Variants in USP31 observed in about 807,000 individuals in gnomAD.
The protein encoded by USP31 is ubiquitin carboxyl-terminal hydrolase 31.
USP31 carries 44 observed loss-of-function variants against 119.4 expected under a neutral mutation model. The observed-to-expected ratio is 0.37, with a 90% CI of 0.29 to 0.47. USP31 has a LOEUF of 0.47. Among genes scored for constraint, USP31 ranks in the 20% least tolerant of loss-of-function variants. The probability of loss-of-function intolerance (pLI) is 0.99; values close to 1 mark genes in which losing one functional copy is unlikely to be tolerated. For missense variants in USP31, 1,643 were observed against 1,730.2 expected, an observed-to-expected ratio of 0.95 and a Z score of 0.89; for synonymous variants, 749 against 705.6, an observed-to-expected ratio of 1.06 and a Z score of -0.97.
At chr16:23,082,776 C>T (rs946361560) in intron 11 of USP31, among the ~76,000 whole-genome samples, 7 of 151,408 alleles carry the variant, frequency 4.6e-5, no homozygotes, top group Non-Finnish European at 7.4e-5. Context: ...CAAAGAGGAA[C>T]GACTAAATCG....
chr16:23,080,452 T>G (rs968524127), intron 12 of USP31, among the ~76,000 whole-genome samples: 1 of 151,998 alleles, frequency 6.6e-6, no homozygotes, highest in Non-Finnish European at 1.5e-5. Context: ...TTAAAGCATT[T>G]GACTTAAAAA....
chr16:23,110,935 T>C (rs1194528262), intron 1 of USP31, among the ~76,000 whole-genome samples: 1 of 152,078 alleles, frequency 6.6e-6, no homozygotes, highest in Non-Finnish European at 1.5e-5. Context: ...GAGACCATCC[T>C]AGTTAACATG....
At chr16:23,106,986 C>T (rs1449348258) in intron 2 of USP31, among the ~76,000 whole-genome samples, 1 of 152,006 alleles carries the variant, frequency 6.6e-6, no homozygotes, top group Non-Finnish European at 1.5e-5. Context: ...GTGGCGCATG[C>T]CTGTAATCCC....
At chr16:23,136,967 C>G (rs192596139) in intron 1 of USP31, among the ~76,000 whole-genome samples, 2 of 152,150 alleles carry the variant, frequency 1.3e-5, no homozygotes, top group East Asian at 3.9e-4. Context: ...AATCCCGGCA[C>G]TTTGGGAGGC....
intron 11 of USP31, among the ~76,000 whole-genome samples, chr16:23,083,977 C>A (rs527308781): frequency 6.6e-6 from 1 of 152,264 alleles, no homozygotes; most frequent in Non-Finnish European, 1.5e-5. Flanking sequence ...CTATCTCTGT[C>A]TTAACGAGGC....
intron 1 of USP31, chr16:23,115,849 A>G: frequency 1.2e-6 from 1 of 860,670 alleles, no homozygotes; most frequent in Non-Finnish European, 1.4e-6. Context: ...AAAAAAAAAG[A>G]GTTGGAAACA....
chr16:23,116,017 G>A (rs570580032), intron 1 of USP31, among the ~76,000 whole-genome samples: 1 of 152,072 alleles, frequency 6.6e-6, no homozygotes, highest in Non-Finnish European at 1.5e-5. Context: ...AGCAATGGTC[G>A]GTCACTGGTG....
At chr16:23,121,295 G>T (rs963668078) in intron 1 of USP31, among the ~76,000 whole-genome samples, 5 of 152,168 alleles carry the variant, frequency 3.3e-5, no homozygotes, top group African/African-American at 1.2e-4. Flanking sequence ...GGCAAGCCAG[G>T]CTGACTCTTA....
At chr16:23,110,825 T>A (rs1410562030) in intron 1 of USP31, among the ~76,000 whole-genome samples, 3 of 152,106 alleles carry the variant, frequency 2.0e-5, no homozygotes, top group Non-Finnish European at 4.4e-5. Context: ...ATATTATATA[T>A]GGGAGTAAAG....
intron 1 of USP31, among the ~76,000 whole-genome samples, chr16:23,117,379 T>C (rs559914367): frequency 6.6e-6 from 1 of 152,356 alleles, no homozygotes; most frequent in African/African-American, 2.4e-5. Context: ...CATTGCTGAA[T>C]AACGACTAGT....
At position 23,066,129 on chromosome 16, in the gene USP31, C is replaced by T. The variant is rs1900057298; in HGVS notation, c.*1917G>A. 6.6e-6 allele frequency: 1 copy of T among 152,190 alleles called. No individual in the cohort carries two copies. Among genetic ancestry groups the T allele is most frequent in the Non-Finnish European group, 1.5e-5 (1 of 68,038 alleles). The allele number at this position is 152,190 out of a possible 1,614,324, so 9.4% of individuals were successfully genotyped here. A position where few individuals can be genotyped will look rare whatever the true frequency, so the allele number is the denominator to read the frequency against. On this transcript the variant is annotated 3_prime_UTR_variant, in exon 16 of 16. Coordinates refer to ENST00000219689, the MANE Select transcript of USP31 (RefSeq NM_020718.4). The stretch of plus-strand genomic sequence containing the variant: ...AGAGTGGTACTGCTTTGAGAACCCA[C>T]CAAAATCTGAACAGTAAAACCAGGA...
At chr16:23,095,456 T>C (rs1485177776) in intron 6 of USP31, among the ~76,000 whole-genome samples, 1 of 152,078 alleles carries the variant, frequency 6.6e-6, no homozygotes, top group Non-Finnish European at 1.5e-5. Context: ...TTCCCCAACC[T>C]AGCAAGGCAG....
chr16:23,143,224 C>T (rs2141905250), intron 1 of USP31, among the ~76,000 whole-genome samples: 1 of 152,290 alleles, frequency 6.6e-6, no homozygotes, highest in African/African-American at 2.4e-5. Flanking sequence ...ATTCTTTTAT[C>T]AATAGATCAC....
chr16:23,127,642 GTTTT>G (rs397766138), intron 1 of USP31, among the ~76,000 whole-genome samples: 1 of 128,142 alleles, frequency 7.8e-6, no homozygotes, highest in Admixed American at 8.0e-5. Flanking sequence ...AATTTTTGTA[GTTTT>G]TTTTTTTTTT....
chr16:23,107,969 A>C (rs1596716838), intron 2 of USP31, 77 bp downstream of exon 2: 1 of 1,499,662 alleles, frequency 6.7e-7, no homozygotes, highest in East Asian at 2.3e-5. Context: ...TATTAACGCA[A>C]TGCAACAAGT....
intron 10 of USP31, among the ~76,000 whole-genome samples, 198 bp downstream of exon 10, chr16:23,085,387 A>C (rs1448981926): frequency 1.3e-5 from 2 of 152,222 alleles, no homozygotes; most frequent in African/African-American, 4.8e-5. Flanking sequence ...CAAATGTTCT[A>C]AGGTTCTGGG....
rs762491060 is a variant in USP31 at position 23,084,907 on chromosome 16, T to C, written c.1783A>G (p.Thr595Ala). The change falls in exon 11 of 16, where the codon ACC (threonine) becomes GCC (alanine). Residue 595 changes from threonine to alanine, a missense_variant. By Grantham distance (58) the Thr-to-Ala change is moderately conservative. Transcript: ENST00000219689. Reference protein sequence around the residue: ...LQRERHHQPQTCTLSQCFQLY... With the variant: ...LQRERHHQPQACTLSQCFQLY... ...TGGAAACACTGGGATAAAGTGCAGG[T>C]TTGAGGCTGATGATGACGCTCCCTT... The C allele has an allele frequency of 4.1e-5, 66 of 1,613,954 alleles. No individual in the cohort carries two copies. The highest frequency in any genetic ancestry group is 5.3e-5 in the Non-Finnish European group (63 of 1,180,024).
intron 7 of USP31, 95 bp downstream of exon 7, chr16:23,090,529 A>G (rs1394545018): frequency 2.8e-5 from 36 of 1,282,374 alleles, no homozygotes; most frequent in Non-Finnish European, 1.9e-5. Context: ...ATTAACTACT[A>G]AAAGTAAGAA....
At chr16:23,123,778 T>A (rs959715041) in intron 1 of USP31, among the ~76,000 whole-genome samples, 7 of 152,056 alleles carry the variant, frequency 4.6e-5, no homozygotes, top group African/African-American at 1.7e-4. Flanking sequence ...GGCAGAAAGA[T>A]CACTTGTGGC....
Sources: allele counts gnomAD v4.1 joint callset (sites outside exome capture counted in the v4.1 genomes callset), GRCh38; gene constraint gnomAD v4.1.1; transcripts MANE v1.5; gene names NCBI Gene and HGNC (gene_info 2026-07-23, HGNC 2026-07-21).